The following TTN variants were observed in gnomAD, a reference collection of about 807,000 sequenced individuals.
The protein encoded by TTN is connectin.
Under a neutral mutation model 3,223.0 loss-of-function variants are expected in TTN, and 1,525 were observed. The ratio of observed to expected loss-of-function variants is 0.47; its 90% CI spans 0.45 to 0.49. TTN has a LOEUF of 0.49. Ranked by LOEUF, TTN falls within the 20% of genes least tolerant of loss-of-function variation. The pLI is 0.00. For synonymous variants in TTN, 14,094 were observed against 15,161.0 expected, an observed-to-expected ratio of 0.93 and a Z score of 5.17; for missense variants, 40,786 against 43,424.0, an observed-to-expected ratio of 0.94 and a Z score of 5.40.
At chr2:178,713,529 C>T (rs2076993659) in intron 92 of TTN, among the ~76,000 whole-genome samples, 157 bp from the exon 93 acceptor site, 1 of 152,136 alleles carries the variant, frequency 6.6e-6, no homozygotes, top group African/African-American at 2.4e-5. Context: ...TATGGGTTCA[C>T]ACTATCAAAA....
chr2:178,542,535 A>C lies in TTN; in HGVS notation c.97221T>G (p.Ile32407Met). ...ATGTAGCATCAATTTCATCAATCTTAATAGGTCCTGTTGGTGGACCAGGCT... is the reference window on the plus strand; with the variant it reads ...ATGTAGCATCAATTTCATCAATCTTCATAGGTCCTGTTGGTGGACCAGGCT... ...LDKPGPPTGP[I>M]KIDEIDATSI... Residue 32407 changes from isoleucine to methionine, a missense_variant, in exon 349 of 363, where the codon ATT becomes ATG. By Grantham distance (10) the Ile-to-Met change is conservative. Coordinates refer to ENST00000589042, the MANE Select transcript of TTN (RefSeq NM_001267550.2). The C allele has an allele frequency of 6.2e-7, 1 of 1,608,416 alleles. No homozygotes were observed. Among genetic ancestry groups the C allele is most frequent in the Non-Finnish European group, 8.5e-7 (1 of 1,175,492 alleles).
rs1709524244 is a variant in TTN at position 178,574,916 on chromosome 2, A to ACTT, written c.71213_71215dup (p.Glu23738dup). On this transcript the variant is annotated inframe_insertion, in exon 326 of 363. Coordinates refer to ENST00000589042, the MANE Select transcript of TTN (RefSeq NM_001267550.2). ...AGAGAAGGTTACAAAATCAGATGAAACTTCATCAAATTTGATTGGTCCAGT... is the reference window on the plus strand; with the variant it reads ...AGAGAAGGTTACAAAATCAGATGAAACTTCTTCATCAAATTTGATTGGTCCAGT... 1 of 1,612,820 alleles carries ACTT rather than the reference A, an allele frequency of 6.2e-7. No homozygotes were observed. Among genetic ancestry groups the ACTT allele is most frequent in the African/African-American group, 1.3e-5 (1 of 74,984 alleles).
At position 178,621,090 on chromosome 2, in the gene TTN, G is replaced by A; in HGVS notation, c.45616+12C>T. The A allele has an allele frequency of 6.2e-7, 1 of 1,610,640 alleles. No individual in the cohort carries two copies. Among genetic ancestry groups the A allele is most frequent in the Non-Finnish European group, 8.5e-7 (1 of 1,178,788 alleles). On this transcript the variant is annotated intron_variant, in intron 246 of 362. Coordinates refer to ENST00000589042, the MANE Select transcript of TTN (RefSeq NM_001267550.2). ...AACAAACAAAAAACCCTAAAAGCAA[G>A]AACAAACTTACCAATGACTGTCAAG...
chr2:178,730,850 G>GT lies in TTN; in HGVS notation c.17741-59dup, dbSNP rs35147775. On this transcript the variant is annotated intron_variant, in intron 60 of 362. Coordinates refer to ENST00000589042, the MANE Select transcript of TTN (RefSeq NM_001267550.2). Reference sequence around the variant, plus strand: ...AAGGTCAATCTACTAATTTGTTTTTGTTTTTTTTTTTAAATTTTAAGGGAA... The same window carrying GT: ...AAGGTCAATCTACTAATTTGTTTTTGTTTTTTTTTTTTAAATTTTAAGGGAA... 0.083 allele frequency: 85,970 copies of GT among 1,038,424 alleles called. 1,404 individuals carry two copies. Among genetic ancestry groups the GT allele is most frequent in the South Asian group, 0.23 (12,825 of 55,572 alleles). The allele number at this position is 1,038,424 out of a possible 1,614,324, so 64.3% of individuals were successfully genotyped here.
chr2:178,633,308 T>C lies in TTN; in HGVS notation c.42965A>G (p.Glu14322Gly). 1 of 1,612,984 alleles carries C rather than the reference T, an allele frequency of 6.2e-7. No homozygotes were observed. The highest frequency in any genetic ancestry group is 8.5e-7 in the Non-Finnish European group (1 of 1,179,420). ...CACCTCTACTCCGTACAGAGGCTTT[T>C]CCACTTTTATTAGTCGAGCTGAAAT... Reference protein sequence around the residue: ...VTVEARLIKVEKPLYGVEVFV... With the variant: ...VTVEARLIKVGKPLYGVEVFV... The change falls in exon 233 of 363, where the codon GAA (glutamate) becomes GGA (glycine). Residue 14322 changes from glutamate to glycine, a missense_variant. By Grantham distance (98) the Glu-to-Gly change is moderately conservative. Transcript: ENST00000589042.
In TTN at chr2:178,756,458, C is replaced by T; in HGVS notation, c.11018G>A (p.Cys3673Tyr). 2 of 1,613,792 alleles carry T rather than the reference C, an allele frequency of 1.2e-6. No homozygotes were observed. The highest frequency in any genetic ancestry group is 1.7e-6 in the Non-Finnish European group (2 of 1,179,804). Reference sequence around the variant, plus strand: ...ACAGAGGAATTGAGCCGTGTCACCGCACTTTACAGTGACGTCCTGAAGATG... The same window carrying T: ...ACAGAGGAATTGAGCCGTGTCACCGTACTTTACAGTGACGTCCTGAAGATG... ...FLHLQDVTVK[C>Y]GDTAQFLCVL... Residue 3673 changes from cysteine (C) to tyrosine (Y), a missense_variant, in exon 46 of 363, where the codon TGC (cysteine) becomes TAC (tyrosine). Cys to Tyr is a radical substitution (Grantham distance 194, BLOSUM62 -2). Coordinates refer to ENST00000589042, the MANE Select transcript of TTN (RefSeq NM_001267550.2).
chr2:178,676,079 C>G, intron 147 of TTN, 84 bp from the exon 148 acceptor site: 1 of 1,300,182 alleles, frequency 7.7e-7, no homozygotes, highest in Non-Finnish European at 1.1e-6. Flanking sequence ...CCAGAAAGAC[C>G]AATGTGTTAA....
At position 178,632,920 on chromosome 2, in the gene TTN, T is replaced by G. The variant is rs1296402152; in HGVS notation, c.43211A>C (p.Lys14404Thr). 6.2e-7 allele frequency: 1 copy of G among 1,612,738 alleles called. No individual in the cohort carries two copies. Among genetic ancestry groups the G allele is most frequent in the Admixed American group, 1.7e-5 (1 of 59,904 alleles). Reference protein sequence around the residue: ...NAKSAANLKVKELPLIFITPL... With the variant: ...NAKSAANLKVTELPLIFITPL... ...CGTGGCTGACAAGTAGAGCATACCT[T>G]TCACTTTCAGATTGGCTGCAGATTT... The change falls in exon 234 of 363, where the codon AAA becomes ACA. Residue 14404 changes from lysine to threonine, a missense_variant and splice_region_variant. By Grantham distance (78) the Lys-to-Thr change is moderately conservative. Coordinates refer to ENST00000589042, the MANE Select transcript of TTN (RefSeq NM_001267550.2).
chr2:178,751,206 A>C, intron 47 of TTN: 1 of 1,609,402 alleles, frequency 6.2e-7, no homozygotes, highest in East Asian at 2.2e-5. Context: ...TCACTTCTCA[A>C]AGTTCTTGAG....
intron 295 of TTN, 51 bp downstream of exon 295, chr2:178,595,456 A>G (rs900414636): frequency 3.0e-5 from 45 of 1,510,868 alleles, no homozygotes; most frequent in Non-Finnish European, 3.9e-5. Context: ...ATAGTCTTGT[A>G]CTAAATGAGT....
intron 42 of TTN, 71 bp downstream of exon 42, chr2:178,764,456 A>T: frequency 6.2e-7 from 1 of 1,612,392 alleles, no homozygotes; most frequent in Non-Finnish European, 8.5e-7. Context: ...GTATTTTTAA[A>T]TGCACTGGGA....
rs941530220 is a variant in TTN at position 178,781,370 on chromosome 2, C to T, written c.3381-107G>A. ...GATCTGTGGTATAAAATTCAATGAC[C>T]CTAAACATATGACTAAGCTCCACAA... On this transcript the variant is annotated intron_variant, in intron 20 of 362. Coordinates refer to ENST00000589042, the MANE Select transcript of TTN (RefSeq NM_001267550.2). 1.1e-5 allele frequency: 14 copies of T among 1,278,302 alleles called. No homozygotes were observed. The Admixed American group carries it at 1.2e-4, about 11-fold the overall frequency. 79.2% of individuals were successfully genotyped at this position (1,278,302 alleles called of 1,614,324 possible).
intron 47 of TTN, chr2:178,751,958 T>A: frequency 1.9e-6 from 3 of 1,590,064 alleles, no homozygotes; most frequent in Non-Finnish European, 2.6e-6. Context: ...AGCCATGGAT[T>A]TGTGGTCTAT....
Position 178,733,040 on chromosome 2 carries a change from T to G in TTN, c.16136A>C (p.Lys5379Thr), listed in dbSNP as rs752346935. ...VVNGTCRLDC[K>T]IAGSLPMRVS... ...CCTCATGGGGAGGGAGCCTGCAATTTTGCAGTCCAGTCTGCAGGTACCATT... is the reference window on the plus strand; with the variant it reads ...CCTCATGGGGAGGGAGCCTGCAATTGTGCAGTCCAGTCTGCAGGTACCATT... Residue 5379 changes from lysine to threonine, a missense_variant, in exon 55 of 363, where the codon AAA becomes ACA. Physicochemically the swap from Lys to Thr is moderately conservative, Grantham distance 78 (BLOSUM62 -1). Coordinates refer to ENST00000589042, the MANE Select transcript of TTN (RefSeq NM_001267550.2). 1.7e-5 allele frequency: 27 copies of G among 1,613,330 alleles called. No individual in the cohort carries two copies. The highest frequency in any genetic ancestry group is 2.3e-5 in the Non-Finnish European group (27 of 1,179,672).
rs764593028 is a variant in TTN, at chr2:178,601,036, G to C, written c.55868C>G (p.Pro18623Arg). Residue 18623 changes from proline (P) to arginine (R), a missense_variant, in exon 288 of 363, where the codon CCT becomes CGT. By Grantham distance (103) the Pro-to-Arg change is moderately radical. Coordinates refer to ENST00000589042, the MANE Select transcript of TTN (RefSeq NM_001267550.2). ...CCAGGCTTCTTTCTTTGTCCCAGTA[G>C]GGTCCCATGCAAGGCACTCAACAAT... ...HYIVECLAWD[P>R]TGTKKEAWRQ... The C allele has an allele frequency of 5.6e-6, 9 of 1,612,874 alleles. No individual in the cohort carries two copies. Among genetic ancestry groups the C allele is most frequent in the Non-Finnish European group, 7.6e-6 (9 of 1,179,356 alleles).
Position 178,785,865 on chromosome 2 carries a change from T to G in TTN, c.2353A>C (p.Met785Leu). The G allele has an allele frequency of 6.2e-7, 1 of 1,614,142 alleles. No homozygotes were observed. Among genetic ancestry groups the G allele is most frequent in the South Asian group, 1.1e-5 (1 of 91,080 alleles). ...THIKTTDQKG[M>L]HISSQIKKTT... is the part of the protein sequence containing the mutation. ...AGACTCACCTGTGATGATATGTGCA[T>G]TCCCTTTTGATCAGTAGTTTTGATA... Residue 785 changes from methionine (M) to leucine (L), a missense_variant, in exon 14 of 363, where the codon ATG becomes CTG. Transcript: ENST00000589042.
intron 241 of TTN, among the ~76,000 whole-genome samples, chr2:178,624,958 G>C (rs1390436978): frequency 6.6e-6 from 1 of 151,914 alleles, no homozygotes; most frequent in African/African-American, 2.4e-5. Flanking sequence ...GGAAATAACA[G>C]CCAACTCTTG....
At position 178,597,526 on chromosome 2, in the gene TTN, G is replaced by A; in HGVS notation, c.57544+12C>T. On this transcript the variant is annotated intron_variant, in intron 294 of 362. Coordinates refer to ENST00000589042, the MANE Select transcript of TTN (RefSeq NM_001267550.2). ...GTTTAAAAAGTTGCACAGACAAATT[G>A]AAAGTATTTACCTAATACATCAACA... 1.9e-6 allele frequency: 3 copies of A among 1,604,544 alleles called. No individual in the cohort carries two copies. The South Asian group carries it at 3.4e-5, about 18-fold the overall frequency.
chr2:178,762,534 T>C (rs1187444072), intron 43 of TTN, among the ~76,000 whole-genome samples: 3 of 152,220 alleles, frequency 2.0e-5, no homozygotes, highest in African/African-American at 7.2e-5. Flanking sequence ...TATACCAATA[T>C]AGTTAAGACA....
Sources: gnomAD v4.1 joint callset for allele counts (sites outside exome capture counted in the v4.1 genomes callset) on GRCh38, gnomAD v4.1.1 for gene constraint, MANE v1.5 for transcripts, NCBI Gene and HGNC (gene_info 2026-07-23, HGNC 2026-07-21) for gene names.